Variants in RFX8 observed in about 807,000 individuals in gnomAD.
RFX8 encodes DNA-binding protein RFX8.
Under a neutral mutation model 54.6 loss-of-function variants are expected in RFX8, and 46 were observed. That is an observed-to-expected ratio of 0.84 (90% CI 0.67 to 1.08). The LOEUF is 1.08. Among genes scored for constraint, RFX8 ranks in the 50% least tolerant of loss-of-function variants. The pLI is 0.00. For missense variants in RFX8, 536 were observed against 562.3 expected (o/e 0.95, Z 0.47); for synonymous variants, 192 against 209.5 (o/e 0.92, Z 0.72).
At chr2:101,425,148 G>A (rs564948716) in intron 2 of RFX8, among the ~76,000 whole-genome samples, 146 of 152,290 alleles carry the variant, frequency 9.6e-4, no homozygotes, top group African/African-American at 3.2e-3. Flanking sequence ...GATCATAGGC[G>A]CTCTGTTAGA....
In RFX8 at chr2:101,417,567, C is replaced by T; in HGVS notation, c.469G>A (p.Val157Ile). The T allele has an allele frequency of 6.4e-7, 1 of 1,551,306 alleles. No homozygotes were observed. The highest frequency in any genetic ancestry group is 8.7e-7 in the Non-Finnish European group (1 of 1,146,774). The change falls in exon 6 of 12, where the codon GTT becomes ATT. Residue 157 changes from valine (V) to isoleucine (I), a missense_variant. Physicochemically the swap from Val to Ile is conservative, Grantham distance 29 (BLOSUM62 3). Coordinates refer to ENST00000428343, the MANE Select transcript of RFX8 (RefSeq NM_001145664.2). ...KLWLLNALEG[V>I]PALLQISKLK... ...TTGGAGATCTGCAAGAGGGCTGGAACACCTTCCAAAGCATTAAGGAGCCAC... is the reference window on the plus strand; with the variant it reads ...TTGGAGATCTGCAAGAGGGCTGGAATACCTTCCAAAGCATTAAGGAGCCAC...
intron 2 of RFX8, among the ~76,000 whole-genome samples, chr2:101,460,745 T>G (rs1689224539): frequency 6.9e-6 from 1 of 144,188 alleles, no homozygotes; most frequent in African/African-American, 2.6e-5. Flanking sequence ...CTTTCTTTCT[T>G]TTTTTTTTTT....
chr2:101,419,682 C>G (rs1194534048), intron 4 of RFX8, among the ~76,000 whole-genome samples: 1 of 152,198 alleles, frequency 6.6e-6, no homozygotes, highest in African/African-American at 2.4e-5. Context: ...GTGCTAGGAC[C>G]TGCCAGTGAC....
At chr2:101,444,883 A>G (rs1446114197) in intron 2 of RFX8, among the ~76,000 whole-genome samples, 1 of 152,152 alleles carries the variant, frequency 6.6e-6, no homozygotes. Flanking sequence ...TAATCTCACA[A>G]CAGTCCCATG....
rs70946645 is a variant in RFX8, at chr2:101,440,966, A to AT, written c.73-18495dup. Among the ~76,000 whole-genome samples, 17 of 113,462 alleles carry AT rather than the reference A, an allele frequency of 1.5e-4. No homozygotes were observed. In the East Asian group the frequency reaches 2.4e-3, roughly 16 times the overall value. The allele number at this position is 113,462 out of a possible 152,430, so 74.4% of individuals were successfully genotyped here. On this transcript the variant is annotated intron_variant, in intron 2 of 11. Coordinates refer to ENST00000428343, the MANE Select transcript of RFX8 (RefSeq NM_001145664.2). The stretch of plus-strand genomic sequence containing the variant: ...TGTCCCCTCTGAAACCCATGTTGAA[A>AT]TTTTTTTTTTTTTTTTTTGAGACAG...
In RFX8 at chr2:101,417,411, G is replaced by T. The variant is rs978942665; in HGVS notation, c.502+123C>A. The T allele has an allele frequency of 1.8e-5, 15 of 829,778 alleles. No homozygotes were observed. The African/African-American group carries it at 1.9e-4, about 11-fold the overall frequency. 51.4% of individuals were successfully genotyped at this position (829,778 alleles called of 1,614,324 possible). A position where few individuals can be genotyped will look rare whatever the true frequency, so the allele number is the denominator to read the frequency against. On this transcript the variant is annotated intron_variant, in intron 6 of 11. Coordinates refer to ENST00000428343, the MANE Select transcript of RFX8 (RefSeq NM_001145664.2). Reference sequence around the variant, plus strand: ...TTGTGAGACAGGATCTCACTATGTTGCCCGGGCTGGTCTCAAACTCCTGGC... The same window carrying T: ...TTGTGAGACAGGATCTCACTATGTTTCCCGGGCTGGTCTCAAACTCCTGGC...
chr2:101,419,385 C>G (rs747518971), intron 4 of RFX8, among the ~76,000 whole-genome samples: 1 of 152,168 alleles, frequency 6.6e-6, no homozygotes, highest in Non-Finnish European at 1.5e-5. Context: ...CTAAGAGACC[C>G]CCTCCTTGCC....
chr2:101,428,970 G>A (rs1687338550), intron 2 of RFX8: 2 of 1,530,434 alleles, frequency 1.3e-6, no homozygotes, highest in Non-Finnish European at 1.8e-6. Context: ...GCTTCTTGTT[G>A]GATAATGCTG....
chr2:101,445,588 A>C (rs1005687706), intron 2 of RFX8, among the ~76,000 whole-genome samples: 1 of 150,818 alleles, frequency 6.6e-6, no homozygotes, highest in South Asian at 2.1e-4. Flanking sequence ...TTAAATATAA[A>C]ATTTTTAATT....
At chr2:101,469,002 ACGTATATATATATAGG>A (rs1558896074) in intron 1 of RFX8, among the ~76,000 whole-genome samples, 28 of 30,462 alleles carry the variant, frequency 9.2e-4, no homozygotes, top group African/African-American at 1.9e-3. Context: ...GTATATATAT[ACGTATATATATATAGG>A]TATATATATA....
chr2:101,419,230 C>T (rs1686716156), intron 4 of RFX8, among the ~76,000 whole-genome samples: 1 of 152,186 alleles, frequency 6.6e-6, no homozygotes, highest in African/African-American at 2.4e-5. Flanking sequence ...GAAGCTGTTT[C>T]TGACCACAAG....
chr2:101,405,856 T>C (rs192105526), intron 10 of RFX8, 87 bp downstream of exon 10: 410 of 731,240 alleles, frequency 5.6e-4, no homozygotes, highest in Non-Finnish European at 7.8e-4. Flanking sequence ...GACGGCTGGA[T>C]TCTACATAGC....
intron 2 of RFX8, chr2:101,450,551 G>T: frequency 2.1e-6 from 2 of 953,944 alleles, no homozygotes; most frequent in Non-Finnish European, 3.2e-6. Context: ...CATTCACCAG[G>T]CTTGTGACCC....
At chr2:101,414,208 G>C (rs566771295) in intron 7 of RFX8, among the ~76,000 whole-genome samples, 3 of 152,188 alleles carry the variant, frequency 2.0e-5, no homozygotes, top group African/African-American at 7.2e-5. Context: ...CTGCTATGAC[G>C]CCCTGTTACC....
intron 2 of RFX8, among the ~76,000 whole-genome samples, chr2:101,441,886 A>T (rs1186919784): frequency 6.6e-6 from 1 of 152,174 alleles, no homozygotes; most frequent in Non-Finnish European, 1.5e-5. Flanking sequence ...ATTATATAAG[A>T]TAATTTACAT....
At chr2:101,460,478 T>C (rs1262198752) in intron 2 of RFX8, among the ~76,000 whole-genome samples, 3 of 152,128 alleles carry the variant, frequency 2.0e-5, no homozygotes, top group African/African-American at 4.8e-5. Flanking sequence ...TATCAGCACT[T>C]TGTTAGAGAG....
At chr2:101,450,684 GA>G (rs1320984222) in intron 2 of RFX8, 1 of 1,432,400 alleles carries the variant, frequency 7.0e-7, no homozygotes, top group East Asian at 2.5e-5. Context: ...ATGATACCTG[GA>G]AAAATAAAGG....
chr2:101,407,702 A>G (rs188595504), intron 9 of RFX8, among the ~76,000 whole-genome samples: 1 of 152,094 alleles, frequency 6.6e-6, no homozygotes, highest in Non-Finnish European at 1.5e-5. Flanking sequence ...AATTAAAAAA[A>G]AAAACAAAAC....
intron 8 of RFX8, among the ~76,000 whole-genome samples, chr2:101,412,185 T>C (rs1686174464): frequency 6.6e-6 from 1 of 152,070 alleles, no homozygotes; most frequent in South Asian, 2.1e-4. Context: ...CCTGTAGCCA[T>C]CATAGGAGGG....
Sources: allele counts gnomAD v4.1 joint callset (sites outside exome capture counted in the v4.1 genomes callset), GRCh38; gene constraint gnomAD v4.1.1; transcripts MANE v1.5; gene names NCBI Gene and HGNC (gene_info 2026-07-23, HGNC 2026-07-21).